The following GPC6 variants were observed in gnomAD, a reference collection of about 807,000 sequenced individuals.
The protein encoded by GPC6 is glypican 6, also known as glypican-6.
GPC6 carries 14 observed loss-of-function variants against 55.2 expected under a neutral mutation model. The observed-to-expected ratio is 0.25, with a 90% CI of 0.17 to 0.40. The LOEUF is 0.40. GPC6 is among the 10% of genes least tolerant of loss of function. The pLI, the probability that GPC6 is intolerant of heterozygous loss-of-function variation, is 1.00. For missense variants in GPC6, 641 were observed against 708.5 expected, an observed-to-expected ratio of 0.90 and a Z score of 1.08; for synonymous variants, 278 against 259.6, an observed-to-expected ratio of 1.07 and a Z score of -0.68.
chr13:93,462,801 A>G (rs1878745707), intron 1 of GPC6, among the ~76,000 whole-genome samples: 1 of 152,004 alleles, frequency 6.6e-6, no homozygotes, highest in Admixed American at 6.6e-5. Flanking sequence ...ATATAAGATG[A>G]AAAGAATCAA....
At chr13:93,867,192 A>C (rs1272812055) in intron 3 of GPC6, among the ~76,000 whole-genome samples, 1 of 151,736 alleles carries the variant, frequency 6.6e-6, no homozygotes. Context: ...ATTATGGTGA[A>C]ATGTCTTTGG....
At chr13:94,304,859 GTTA>G (rs1223661299) in intron 5 of GPC6, among the ~76,000 whole-genome samples, 1 of 152,186 alleles carries the variant, frequency 6.6e-6, no homozygotes, top group Non-Finnish European at 1.5e-5. Flanking sequence ...AGAGGAAGCT[GTTA>G]TTATATGGAT....
chr13:94,158,739 G>T (rs1242333448), intron 4 of GPC6, among the ~76,000 whole-genome samples: 1 of 152,158 alleles, frequency 6.6e-6, no homozygotes, highest in Non-Finnish European at 1.5e-5. Flanking sequence ...GGAGTGGCAG[G>T]TGAGATGTTA....
At chr13:93,394,886 C>T (rs1875783346) in intron 1 of GPC6, 1 of 155,348 alleles carries the variant, frequency 6.4e-6, no homozygotes, top group African/African-American at 2.4e-5. Flanking sequence ...AGCAAGGGCA[C>T]AAAAAAATCT....
intron 5 of GPC6, among the ~76,000 whole-genome samples, chr13:94,297,345 A>T (rs148770855): frequency 1.3e-5 from 2 of 152,302 alleles, no homozygotes; most frequent in Non-Finnish European, 2.9e-5. Flanking sequence ...TTACATGCTT[A>T]CTTATATTCT....
intron 3 of GPC6, among the ~76,000 whole-genome samples, chr13:93,945,155 A>G (rs1878943736): frequency 6.6e-6 from 1 of 152,212 alleles, no homozygotes; most frequent in Admixed American, 6.5e-5. Flanking sequence ...GAAAGTATGC[A>G]TATATGTCTA....
At chr13:93,890,402 A>T (rs141988802) in intron 3 of GPC6, among the ~76,000 whole-genome samples, 1 of 152,072 alleles carries the variant, frequency 6.6e-6, no homozygotes, top group African/African-American at 2.4e-5. Flanking sequence ...TATACCTTCA[A>T]TTACTTGTTT....
intron 7 of GPC6, among the ~76,000 whole-genome samples, chr13:94,396,014 C>T (rs1275365277): frequency 1.3e-5 from 2 of 152,152 alleles, no homozygotes; most frequent in East Asian, 1.9e-4. Flanking sequence ...GGCATCCTGC[C>T]CCGGTCCCCT....
At chr13:93,520,852 A>G (rs1293273457) in intron 1 of GPC6, among the ~76,000 whole-genome samples, 2 of 87,574 alleles carry the variant, frequency 2.3e-5, no homozygotes, top group African/African-American at 7.5e-5. Flanking sequence ...TAGACAAACT[A>G]TACAGGCATG....
At chr13:93,689,150 C>T (rs1882160452) in intron 2 of GPC6, among the ~76,000 whole-genome samples, 1 of 151,936 alleles carries the variant, frequency 6.6e-6, no homozygotes, top group East Asian at 1.9e-4. Flanking sequence ...TTAGTGAAAA[C>T]ACACTGAGTA....
At chr13:93,806,169 A>G (rs1049009800) in intron 2 of GPC6, among the ~76,000 whole-genome samples, 3 of 152,186 alleles carry the variant, frequency 2.0e-5, no homozygotes, top group African/African-American at 4.8e-5. Context: ...CACTTGGAAA[A>G]TAACCGGGAA....
chr13:93,664,722 A>G (rs568305509), intron 2 of GPC6, among the ~76,000 whole-genome samples: 135 of 152,180 alleles, frequency 8.9e-4, no homozygotes, highest in African/African-American at 3.2e-3. Flanking sequence ...GGTTCAAGCA[A>G]TTCTCCTGCC....
Position 93,789,505 on chromosome 13 carries a change from CTCTCTATA to C in GPC6, c.320-40647_320-40640del, listed in dbSNP as rs1445193643. Among the ~76,000 whole-genome samples, 74 of 80,260 alleles carry C rather than the reference CTCTCTATA, an allele frequency of 9.2e-4. 3 individuals carry two copies. The highest frequency in any genetic ancestry group is 1.3e-3 in the Non-Finnish European group (50 of 38,416). The allele number at this position is 80,260 out of a possible 152,430, so 52.7% of individuals were successfully genotyped here. On this transcript the variant is annotated intron_variant, in intron 2 of 8. Coordinates refer to ENST00000377047, the MANE Select transcript of GPC6 (RefSeq NM_005708.5). ...GAACTCTCTCTCTCTCTCTCTCTCT[CTCTCTATA>C]TATATATATATATATATATATAGTC...
chr13:93,242,210 C>T (rs368595762), intron 1 of GPC6, among the ~76,000 whole-genome samples: 14 of 152,262 alleles, frequency 9.2e-5, no homozygotes, highest in African/African-American at 3.4e-4. Context: ...GCACACATCC[C>T]AGCCCTGATG....
chr13:93,788,361 A>T (rs1482424487), intron 2 of GPC6, among the ~76,000 whole-genome samples: 1 of 152,150 alleles, frequency 6.6e-6, no homozygotes, highest in East Asian at 1.9e-4. Context: ...AGGAGACCTC[A>T]TGGCCTAATC....
At chr13:93,569,743 T>C (rs1406739352) in intron 2 of GPC6, among the ~76,000 whole-genome samples, 1 of 152,124 alleles carries the variant, frequency 6.6e-6, no homozygotes, top group Non-Finnish European at 1.5e-5. Flanking sequence ...TTGTTAAATG[T>C]TATTTGTATA....
At chr13:93,520,560 G>GA (rs1881375337) in intron 1 of GPC6, among the ~76,000 whole-genome samples, 1 of 151,300 alleles carries the variant, frequency 6.6e-6, no homozygotes, top group Non-Finnish European at 1.5e-5. Flanking sequence ...AAAAACACTT[G>GA]AAGATTTTTA....
At chr13:93,398,086 T>C in intron 1 of GPC6, among the ~76,000 whole-genome samples, 1 of 152,196 alleles carries the variant, frequency 6.6e-6, no homozygotes, top group Non-Finnish European at 1.5e-5. Context: ...ATTTAGGCAG[T>C]AGCTTTTCAG....
chr13:93,829,732 G>A (rs528896867), intron 2 of GPC6, among the ~76,000 whole-genome samples: 23 of 152,206 alleles, frequency 1.5e-4, no homozygotes, highest in African/African-American at 5.5e-4. Flanking sequence ...CAATTTAATG[G>A]AATTTAGTGT....
Sources: gnomAD v4.1 joint callset for allele counts (sites outside exome capture counted in the v4.1 genomes callset) on GRCh38, gnomAD v4.1.1 for gene constraint, MANE v1.5 for transcripts, NCBI Gene and HGNC (gene_info 2026-07-23, HGNC 2026-07-21) for gene names.